The following BRI3BP variants were observed in gnomAD, a reference collection of about 807,000 sequenced individuals.
The protein encoded by BRI3BP is BRI3-binding protein.
In BRI3BP, 7 loss-of-function variants were observed where a neutral mutation model predicts 15.8. The observed-to-expected ratio is 0.44, with a 90% CI of 0.25 to 0.83. The LOEUF is 0.83. Ranked by LOEUF, BRI3BP falls within the 40% of genes least tolerant of loss-of-function variation. The probability of loss-of-function intolerance (pLI) is 0.20; values close to 1 mark genes in which losing one functional copy is unlikely to be tolerated. For missense variants in BRI3BP, 320 were observed against 339.3 expected (o/e 0.94, Z 0.45); for synonymous variants, 192 against 163.5 (o/e 1.17, Z -1.33).
Position 125,018,941 on chromosome 12 carries a change from C to T in BRI3BP, c.317-6050C>T, listed in dbSNP as rs181170980. Among the ~76,000 whole-genome samples, 6 of 152,234 alleles carry T rather than the reference C, an allele frequency of 3.9e-5. No individual in the cohort carries two copies. In the East Asian group the frequency reaches 1.2e-3, roughly 29 times the overall value. Reference sequence around the variant, plus strand: ...TGCCGCAATCTTGGCTCACTGCAACCTCCGCCTCCCGGGTTCAAGCGATTC... The same window carrying T: ...TGCCGCAATCTTGGCTCACTGCAACTTCCGCCTCCCGGGTTCAAGCGATTC... On this transcript the variant is annotated intron_variant, in intron 2 of 2. Transcript: ENST00000341446.
At chr12:125,044,998 A>G in the BRI3BP span, among the ~76,000 whole-genome samples, 1,316 of 152,312 alleles carry the variant, frequency 8.6e-3, 22 homozygotes, top group African/African-American at 0.03. Context: ...ATTACTAAAG[A>G]CATAATGCCA....
intron 2 of BRI3BP, 73 bp downstream of exon 2, chr12:125,012,709 C>CA (rs1378299148): frequency 1.5e-5 from 17 of 1,160,802 alleles, no homozygotes; most frequent in African/African-American, 1.2e-4. Flanking sequence ...AACTGGTACT[C>CA]ACAGTGAGTA....
Position 125,012,572 on chromosome 12 carries a change from G to A in BRI3BP, c.252G>A (p.Val84=), listed in dbSNP as rs1294588963. 6.2e-7 allele frequency: 1 copy of A among 1,613,186 alleles called. No individual in the cohort carries two copies. The highest frequency in any genetic ancestry group is 1.7e-5 in the Admixed American group (1 of 59,986). The change falls in exon 2 of 3, where the codon GTG becomes GTA. Residue 84 remains valine, a synonymous_variant. Transcript: ENST00000341446. ...TGACTGAGAGATTTGTGCTGGGAGT[G>A]GATATGTTCGTGGAGACACTGTGGA... ...ARLTERFVLG[V]DMFVETLWKV...
At chr12:124,997,048 C>T (rs950356273) in intron 1 of BRI3BP, among the ~76,000 whole-genome samples, 10 of 151,722 alleles carry the variant, frequency 6.6e-5, no homozygotes, top group African/African-American at 1.9e-4. Context: ...CTTGAGCCAC[C>T]GTGCCCGGCC....
At chr12:125,014,274 T>C (rs1426339982) in intron 2 of BRI3BP, among the ~76,000 whole-genome samples, 1 of 152,160 alleles carries the variant, frequency 6.6e-6, no homozygotes, top group East Asian at 1.9e-4. Flanking sequence ...AGCTGGGCTC[T>C]TTCCAGCCCC....
Position 125,027,893 on chromosome 12 carries a change from T to C in BRI3BP, c.*2463T>C, listed in dbSNP as rs1449172222. 6.6e-6 allele frequency: 1 copy of C among 152,070 alleles called. No homozygotes were observed. Among genetic ancestry groups the C allele is most frequent in the African/African-American group, 2.4e-5 (1 of 41,450 alleles). The allele number at this position is 152,070 out of a possible 1,614,324, so 9.4% of individuals were successfully genotyped here. A position where few individuals can be genotyped will look rare whatever the true frequency, so the allele number is the denominator to read the frequency against. ...TAGTAGAGACGGGGTTTCACCGTGT[T>C]AGCCAGGATGGTCTCGATCTCCTGA... On this transcript the variant is annotated 3_prime_UTR_variant, in exon 3 of 3. Transcript: ENST00000341446.
chr12:125,003,724 G>A (rs948093818), intron 1 of BRI3BP, among the ~76,000 whole-genome samples: 2 of 152,062 alleles, frequency 1.3e-5, no homozygotes, highest in African/African-American at 2.4e-5. Context: ...AGGCCGAGGC[G>A]GGTGGGTCAC....
chr12:124,999,710 T>C (rs551763321), intron 1 of BRI3BP, among the ~76,000 whole-genome samples: 65 of 150,494 alleles, frequency 4.3e-4, no homozygotes, highest in African/African-American at 1.5e-3. Context: ...CTCCACCTCC[T>C]GGGTTCATGC....
intron 2 of BRI3BP, among the ~76,000 whole-genome samples, chr12:125,019,008 A>G (rs1188406839): frequency 6.6e-6 from 1 of 152,048 alleles, no homozygotes; most frequent in African/African-American, 2.4e-5. Flanking sequence ...ACAGGCACCC[A>G]CCACCACGCC....
chr12:125,049,526 G>T, the BRI3BP span, among the ~76,000 whole-genome samples: 5 of 151,938 alleles, frequency 3.3e-5, no homozygotes, highest in African/African-American at 1.2e-4. Flanking sequence ...GGTGGTTTCG[G>T]GTTGGGGAGC....
the BRI3BP span, among the ~76,000 whole-genome samples, chr12:125,050,550 C>T: frequency 6.6e-6 from 1 of 152,230 alleles, no homozygotes; most frequent in East Asian, 1.9e-4. Context: ...TTAATACCTT[C>T]AGTCTTTTTG....
At chr12:124,999,535 T>C (rs1404347258) in intron 1 of BRI3BP, among the ~76,000 whole-genome samples, 1 of 152,124 alleles carries the variant, frequency 6.6e-6, no homozygotes, top group Non-Finnish European at 1.5e-5. Flanking sequence ...ATGATCCTCC[T>C]GCATCAGCCT....
intron 1 of BRI3BP, among the ~76,000 whole-genome samples, chr12:125,005,210 C>G (rs1235646441): frequency 6.6e-6 from 1 of 152,154 alleles, no homozygotes; most frequent in Non-Finnish European, 1.5e-5. Context: ...CATAATGAGA[C>G]TGGGTGATGG....
chr12:125,016,526 G>A (rs1955245280), intron 2 of BRI3BP, among the ~76,000 whole-genome samples: 1 of 146,558 alleles, frequency 6.8e-6, no homozygotes, highest in Admixed American at 7.0e-5. Flanking sequence ...GGGAGGGGGT[G>A]GGGAGTGGGG....
chr12:125,003,063 C>G (rs1169910240), intron 1 of BRI3BP, among the ~76,000 whole-genome samples: 2 of 152,212 alleles, frequency 1.3e-5, no homozygotes, highest in Non-Finnish European at 2.9e-5. Context: ...CTGGCTTTTG[C>G]ATTTCTGTGT....
rs181178166 is a variant in BRI3BP at position 125,009,446 on chromosome 12, C to T, written c.214-3088C>T. ...CTGGGATTACAGGCGTGCACCACCA[C>T]GCCCAGCTAATTTTTGTGTTTTCAG... On this transcript the variant is annotated intron_variant, in intron 1 of 2. Coordinates refer to ENST00000341446, the MANE Select transcript of BRI3BP (RefSeq NM_080626.6). Among the ~76,000 whole-genome samples, 10 of 151,898 alleles carry T rather than the reference C, an allele frequency of 6.6e-5. No homozygotes were observed. In the East Asian group the frequency reaches 7.8e-4, roughly 12 times the overall value.
intron 1 of BRI3BP, among the ~76,000 whole-genome samples, chr12:125,003,250 ACCCCGGTGTTGGATGTC>A (rs1449736115): frequency 8.6e-5 from 13 of 151,742 alleles, no homozygotes; most frequent in African/African-American, 2.4e-4. Flanking sequence ...TTGTCACCCA[ACCCCGGTGTTGGATGTC>A]CCCGGGTGTT....
At chr12:125,036,047 GT>G (rs78018752), downstream of BRI3BP, among the ~76,000 whole-genome samples, 23,998 of 129,736 alleles carry the variant, frequency 0.18, 2,144 homozygotes, top group East Asian at 0.29. Flanking sequence ...GTAATCTATA[GT>G]TTTTTTTGTT....
chr12:124,999,488 A>G (rs58819880), intron 1 of BRI3BP, among the ~76,000 whole-genome samples: 2,282 of 152,198 alleles, frequency 0.015, 45 homozygotes, highest in African/African-American at 0.051. Context: ...CAGTAGCTCA[A>G]TCTTGGCTCA....
Sources: allele counts gnomAD v4.1 joint callset (sites outside exome capture counted in the v4.1 genomes callset), GRCh38; gene constraint gnomAD v4.1.1; transcripts MANE v1.5; gene names NCBI Gene and HGNC (gene_info 2026-07-23, HGNC 2026-07-21).